The following SI variants were observed in gnomAD, a reference collection of about 807,000 sequenced individuals.
The protein encoded by SI is sucrase-isomaltase, intestinal.
Under a neutral mutation model 253.3 loss-of-function variants are expected in SI, and 235 were observed. That is an observed-to-expected ratio of 0.93 (90% CI 0.83 to 1.03). The LOEUF is 1.03. Ranked by LOEUF, SI falls within the 50% of genes least tolerant of loss-of-function variation. SI has a pLI of 0.00. For synonymous variants in SI, 819 were observed against 712.0 expected, an observed-to-expected ratio of 1.15 and a Z score of -2.39; for missense variants, 2,442 against 2,211.1, an observed-to-expected ratio of 1.10 and a Z score of -2.09.
intron 40 of SI, among the ~76,000 whole-genome samples, chr3:164,995,623 C>G (rs1375132936): frequency 5.3e-5 from 8 of 151,600 alleles, no homozygotes; most frequent in Non-Finnish European, 7.4e-5. Flanking sequence ...GGGTATTTTA[C>G]TTTGTTGCTC....
chr3:165,022,644 C>A (rs1387431612), intron 26 of SI, among the ~76,000 whole-genome samples: 1 of 150,786 alleles, frequency 6.6e-6, no homozygotes, highest in African/African-American at 2.4e-5. Flanking sequence ...TGCTTTTGTG[C>A]CGTCTCGTTT....
chr3:164,987,804 G>A (rs1717517767), intron 44 of SI, among the ~76,000 whole-genome samples: 1 of 152,168 alleles, frequency 6.6e-6, no homozygotes, highest in Middle Eastern at 3.2e-3. Context: ...CTAATTGAAA[G>A]TAATTAAAAC....
chr3:165,004,963 A>G (rs1046833138), intron 37 of SI, among the ~76,000 whole-genome samples: 2 of 152,100 alleles, frequency 1.3e-5, no homozygotes, highest in Non-Finnish European at 2.9e-5. Context: ...TTCTTGTAAT[A>G]GTGAGTTAGT....
intron 25 of SI, among the ~76,000 whole-genome samples, chr3:165,026,781 A>T (rs996661671): frequency 6.6e-6 from 1 of 151,290 alleles, no homozygotes; most frequent in Non-Finnish European, 1.5e-5. Flanking sequence ...GAATGACAAT[A>T]GTGACACAGC....
chr3:165,029,479 G>A (rs1383031458), intron 25 of SI, among the ~76,000 whole-genome samples: 1 of 149,074 alleles, frequency 6.7e-6, no homozygotes, highest in Non-Finnish European at 1.5e-5. Context: ...ATACTTGCAC[G>A]TGCATGTTTA....
chr3:165,027,676 G>C (rs1712002325), intron 25 of SI, among the ~76,000 whole-genome samples: 1 of 151,268 alleles, frequency 6.6e-6, no homozygotes, highest in African/African-American at 2.4e-5. Context: ...CAATAATTGT[G>C]ATACACCACA....
intron 12 of SI, among the ~76,000 whole-genome samples, chr3:165,058,412 T>A (rs940535459): frequency 6.6e-6 from 1 of 151,226 alleles, no homozygotes; most frequent in Non-Finnish European, 1.5e-5. Flanking sequence ...AACCCTAAAT[T>A]AGTAGAAGGA....
At chr3:165,049,969 G>A in intron 13 of SI, 94 bp from the exon 14 acceptor site, 1 of 810,542 alleles carries the variant, frequency 1.2e-6, no homozygotes, top group Admixed American at 1.9e-5. Context: ...TTTTATATAA[G>A]ATAACCATAA....
intron 18 of SI, 28 bp downstream of exon 18, chr3:165,040,912 T>C: frequency 6.5e-7 from 1 of 1,549,744 alleles, no homozygotes; most frequent in African/African-American, 1.4e-5. Flanking sequence ...TAAAAGGTAT[T>C]ATTATAATTA....
At chr3:165,002,850 A>T (rs147274646) in intron 37 of SI, among the ~76,000 whole-genome samples, 139 of 151,948 alleles carry the variant, frequency 9.1e-4, no homozygotes, top group African/African-American at 3.2e-3. Flanking sequence ...ACTTAATCCA[A>T]TTAATCTACT....
At chr3:165,018,843 C>A (rs113876720) in intron 28 of SI, among the ~76,000 whole-genome samples, 5 of 151,556 alleles carry the variant, frequency 3.3e-5, no homozygotes, top group African/African-American at 1.2e-4. Flanking sequence ...TAGAAAACAG[C>A]CTTCAATAAC....
chr3:164,981,388 G>C (rs996952953), intron 47 of SI, among the ~76,000 whole-genome samples: 11 of 152,006 alleles, frequency 7.2e-5, no homozygotes, highest in African/African-American at 2.2e-4. Context: ...CACCTACAAG[G>C]ACCTAGGACT....
At chr3:165,072,596 T>A (rs1714657933) in intron 3 of SI, among the ~76,000 whole-genome samples, 3 of 152,032 alleles carry the variant, frequency 2.0e-5, no homozygotes, top group African/African-American at 7.2e-5. Context: ...AATAGAAAAA[T>A]GCTACCTTGA....
intron 31 of SI, among the ~76,000 whole-genome samples, chr3:165,016,535 G>T (rs1719041124): frequency 6.6e-6 from 1 of 151,854 alleles, no homozygotes; most frequent in Non-Finnish European, 1.5e-5. Context: ...TTGGCAAAAG[G>T]AGTATTAACA....
In SI at chr3:165,018,086, C is replaced by A. The variant is rs767029260; in HGVS notation, c.3424-20G>T. ...TTTGTACTGAAATACGAAAAATAAG[C>A]ACAATATATTTTAAGTAACAATAGC... On this transcript the variant is annotated intron_variant, in intron 28 of 47. Coordinates refer to ENST00000264382, the MANE Select transcript of SI (RefSeq NM_001041.4). 1 of 1,347,202 alleles carries A rather than the reference C, an allele frequency of 7.4e-7. No individual in the cohort carries two copies. Among genetic ancestry groups the A allele is most frequent in the East Asian group, 2.3e-5 (1 of 43,534 alleles). The allele number at this position is 1,347,202 out of a possible 1,614,324, so 83.5% of individuals were successfully genotyped here.
intron 25 of SI, among the ~76,000 whole-genome samples, chr3:165,025,157 G>A (rs1030298642): frequency 6.6e-6 from 1 of 151,018 alleles, no homozygotes; most frequent in African/African-American, 2.4e-5. Flanking sequence ...ATCTATTCAA[G>A]CTTATTTCGT....
rs1228687262 is a variant in SI, at chr3:165,075,934, A to G, written c.79T>C (p.Leu27=). Residue 27 remains leucine, a synonymous_variant, in exon 2 of 48, where the codon TTA becomes CTA. Coordinates refer to ENST00000264382, the MANE Select transcript of SI (RefSeq NM_001041.4). ...FVIVTIIAIA[L]IVVLATKTPA... ...GTCTTAGTTGCTAAAACAACAATTA[A>G]GGCAATAGCTATTATAGTAACTATG... 14 of 1,601,782 alleles carry G rather than the reference A, an allele frequency of 8.7e-6. No homozygotes were observed. The highest frequency in any genetic ancestry group is 1.1e-5 in the Non-Finnish European group (13 of 1,170,132).
chr3:165,008,453 A>G (rs1277599629), intron 35 of SI, among the ~76,000 whole-genome samples: 1 of 151,978 alleles, frequency 6.6e-6, no homozygotes, highest in Non-Finnish European at 1.5e-5. Context: ...TATTTAAAAG[A>G]ATCATGATCT....
Position 164,982,279 on chromosome 3 carries a change from T to C in SI, c.5379A>G (p.Lys1793=), listed in dbSNP as rs373492411. 9 of 1,613,110 alleles carry C rather than the reference T, an allele frequency of 5.6e-6. No homozygotes were observed. The highest frequency in any genetic ancestry group is 2.2e-5 in the East Asian group (1 of 44,754). The change falls in exon 47 of 48, where the codon AAA becomes AAG. Residue 1793 remains lysine, a synonymous_variant. Coordinates refer to ENST00000264382, the MANE Select transcript of SI (RefSeq NM_001041.4). ...TGTCTTCATTAAAAGGAAGCGAATT[T>C]TTATTTCCGTTATACGTTAGAGTAA... ...NAVTLTYNGN[K]NSLPFNEDTT...
Sources: gnomAD v4.1 joint callset for allele counts (sites outside exome capture counted in the v4.1 genomes callset) on GRCh38, gnomAD v4.1.1 for gene constraint, MANE v1.5 for transcripts, NCBI Gene and HGNC (gene_info 2026-07-23, HGNC 2026-07-21) for gene names.